Variants in ADK observed in about 807,000 individuals in gnomAD.
The protein encoded by ADK is N6,N6-dimethyladenosine kinase.
In ADK, 24 loss-of-function variants were observed where a neutral mutation model predicts 44.7. The ratio of observed to expected loss-of-function variants is 0.54; its 90% CI spans 0.39 to 0.76. The LOEUF (loss-of-function observed/expected upper bound fraction) is 0.76, where lower values mean the gene tolerates loss of function less well. ADK is among the 30% of genes least tolerant of loss of function. The pLI, the probability that ADK is intolerant of heterozygous loss-of-function variation, is 0.00. For missense variants in ADK, 321 were observed against 425.1 expected (o/e 0.76, Z 2.15); for synonymous variants, 128 against 142.6 (o/e 0.90, Z 0.73).
chr10:74,655,953 C>A, intron 9 of ADK: 1 of 699,892 alleles, frequency 1.4e-6, no homozygotes, highest in Non-Finnish European at 2.7e-6. Flanking sequence ...AAGGGTGCAA[C>A]TCCTCCTGGG....
At chr10:74,636,318 G>T (rs757604960) in intron 9 of ADK, among the ~76,000 whole-genome samples, 72 of 152,280 alleles carry the variant, frequency 4.7e-4, no homozygotes, top group Non-Finnish European at 5.3e-4. Context: ...TGGCTACAGA[G>T]CTGGGTCTTA....
At chr10:74,668,565 A>G (rs1389290371) in intron 9 of ADK, among the ~76,000 whole-genome samples, 1 of 152,036 alleles carries the variant, frequency 6.6e-6, no homozygotes, top group African/African-American at 2.4e-5. Context: ...GGCAAAACCT[A>G]TCTCTACTAA....
At chr10:74,362,449 A>T (rs1241508900) in intron 4 of ADK, among the ~76,000 whole-genome samples, 1 of 151,194 alleles carries the variant, frequency 6.6e-6, no homozygotes, top group East Asian at 1.9e-4. Context: ...TAATTTTCTG[A>T]ATTGATTCTT....
At chr10:74,427,419 C>T (rs190759385) in intron 6 of ADK, among the ~76,000 whole-genome samples, 1,530 of 152,202 alleles carry the variant, frequency 0.01, 90 homozygotes, top group Admixed American at 0.091. Context: ...AGGATGGTCT[C>T]GATCTCTTGA....
chr10:74,661,393 C>T (rs896800875), intron 9 of ADK: 50 of 457,428 alleles, frequency 1.1e-4, no homozygotes, highest in African/African-American at 1.0e-3. Flanking sequence ...GGACTCTAGG[C>T]AGTTGACAAA....
chr10:74,673,762 G>A (rs191469746), intron 10 of ADK, among the ~76,000 whole-genome samples: 143 of 152,284 alleles, frequency 9.4e-4, no homozygotes, highest in African/African-American at 3.0e-3. Context: ...TCACACAAAC[G>A]AGTTGGAGAT....
At chr10:74,620,724 G>C (rs1274349931) in intron 9 of ADK, among the ~76,000 whole-genome samples, 1 of 151,506 alleles carries the variant, frequency 6.6e-6, no homozygotes, top group Non-Finnish European at 1.5e-5. Flanking sequence ...TCTTTTTAAT[G>C]ATAGCCATTC....
chr10:74,427,873 A>G (rs1413930835), intron 6 of ADK, among the ~76,000 whole-genome samples: 2 of 152,112 alleles, frequency 1.3e-5, no homozygotes, highest in East Asian at 3.9e-4. Context: ...GGCTGCTGTA[A>G]TAAATTACCG....
At chr10:74,440,232 A>G (rs1845351437) in intron 6 of ADK, among the ~76,000 whole-genome samples, 1 of 152,102 alleles carries the variant, frequency 6.6e-6, no homozygotes, top group Non-Finnish European at 1.5e-5. Context: ...ATAGTAATAC[A>G]TTACATATTT....
chr10:74,374,538 A>G (rs1310266442), intron 4 of ADK, among the ~76,000 whole-genome samples: 3 of 152,140 alleles, frequency 2.0e-5, no homozygotes, highest in Non-Finnish European at 4.4e-5. Context: ...CATAATTTTC[A>G]GAGACCCAGG....
intron 2 of ADK, among the ~76,000 whole-genome samples, chr10:74,217,991 C>G (rs1025123268): frequency 2.0e-5 from 3 of 152,196 alleles, no homozygotes; most frequent in Admixed American, 1.3e-4. Flanking sequence ...GATCGCAGTT[C>G]CTCACCAGCA....
chr10:74,539,395 G>A (rs1440305966), intron 7 of ADK, among the ~76,000 whole-genome samples: 4 of 152,070 alleles, frequency 2.6e-5, no homozygotes, highest in South Asian at 2.1e-4. Flanking sequence ...ACCTAGATCC[G>A]TATTCTGACA....
At chr10:74,463,373 C>T (rs748975103) in intron 6 of ADK, among the ~76,000 whole-genome samples, 50 of 152,298 alleles carry the variant, frequency 3.3e-4, no homozygotes, top group Admixed American at 1.2e-3. Context: ...TAGACAGTCC[C>T]ATCTGGGGGT....
At chr10:74,264,386 A>G (rs1846145158) in intron 3 of ADK, among the ~76,000 whole-genome samples, 1 of 152,180 alleles carries the variant, frequency 6.6e-6, no homozygotes, top group Admixed American at 6.5e-5. Context: ...TTGAAAATAT[A>G]TAGTGAGGCT....
rs566788325 is a variant in ADK, at chr10:74,227,677, C to G, written c.194+3086C>G. ...TGGCCAAGATGGTGAAACCCTGTCT[C>G]TACTAAAAATACAAAAATTAGCCAG... On this transcript the variant is annotated intron_variant, in intron 3 of 10. Transcript: ENST00000539909. 7.2e-5 allele frequency among the ~76,000 whole-genome samples: 11 copies of G among 152,154 alleles called. No homozygotes were observed. In the East Asian group the frequency reaches 1.4e-3, roughly 19 times the overall value.
At chr10:74,659,026 G>T (rs2134161951) in intron 9 of ADK, among the ~76,000 whole-genome samples, 1 of 152,058 alleles carries the variant, frequency 6.6e-6, no homozygotes, top group Non-Finnish European at 1.5e-5. Context: ...AACCAGCCTA[G>T]GCAACATAGG....
intron 9 of ADK, among the ~76,000 whole-genome samples, chr10:74,665,711 G>A (rs2134182178): frequency 6.8e-6 from 1 of 146,058 alleles, no homozygotes; most frequent in Middle Eastern, 3.5e-3. Context: ...CTCCAGCCTG[G>A]GAGGCAGAGT....
chr10:74,622,126 T>G (rs1853016340), intron 9 of ADK, among the ~76,000 whole-genome samples: 1 of 152,200 alleles, frequency 6.6e-6, no homozygotes, highest in South Asian at 2.1e-4. Flanking sequence ...GCCTACTTTA[T>G]TGTTTTCCCC....
intron 6 of ADK, among the ~76,000 whole-genome samples, chr10:74,443,398 CATAG>C (rs949281078): frequency 1.8e-4 from 28 of 152,284 alleles, no homozygotes; most frequent in African/African-American, 6.7e-4. Context: ...CATGCTGCAA[CATAG>C]ATAAACCTTT....
Sources: allele counts gnomAD v4.1 joint callset (sites outside exome capture counted in the v4.1 genomes callset), GRCh38; gene constraint gnomAD v4.1.1; transcripts MANE v1.5; gene names NCBI Gene and HGNC (gene_info 2026-07-23, HGNC 2026-07-21).